DSCAM: variants seen among roughly 807,000 people sequenced by gnomAD.
The protein encoded by DSCAM is DS cell adhesion molecule.
DSCAM carries 47 observed loss-of-function variants against 217.7 expected under a neutral mutation model. The observed-to-expected ratio is 0.22, with a 90% CI of 0.17 to 0.28. The LOEUF (loss-of-function observed/expected upper bound fraction) is 0.28. Among genes scored for constraint, DSCAM ranks in the 10% least tolerant of loss-of-function variants. The probability of loss-of-function intolerance (pLI) is 1.00; values close to 1 mark genes in which losing one functional copy is unlikely to be tolerated. For missense variants in DSCAM, 2,080 were observed against 2,618.3 expected (o/e 0.79, Z 4.49); for synonymous variants, 1,056 against 1,015.3 (o/e 1.04, Z -0.76).
chr21:40,295,509 G>A (rs1441291012), intron 10 of DSCAM, among the ~76,000 whole-genome samples: 14 of 152,110 alleles, frequency 9.2e-5, no homozygotes, highest in Non-Finnish European at 2.1e-4. Flanking sequence ...GGGAACATGA[G>A]ACAATCGCAA....
intron 10 of DSCAM, among the ~76,000 whole-genome samples, chr21:40,294,941 CCAAT>C (rs1378946060): frequency 1.3e-5 from 2 of 152,070 alleles, no homozygotes; most frequent in African/African-American, 4.8e-5. Context: ...AGCTATTTTC[CCAAT>C]CAGACAGTGT....
intron 3 of DSCAM, among the ~76,000 whole-genome samples, chr21:40,675,470 G>A (rs1009786372): frequency 9.9e-5 from 15 of 152,056 alleles, no homozygotes; most frequent in East Asian, 1.9e-4. Flanking sequence ...GAATCCCCAC[G>A]CCAATAACTT....
chr21:40,154,406 C>T (rs1347050202), intron 16 of DSCAM, among the ~76,000 whole-genome samples: 3 of 152,070 alleles, frequency 2.0e-5, no homozygotes, highest in East Asian at 1.9e-4. Context: ...GACATGTCAC[C>T]ATACCCGGCA....
chr21:40,833,470 G>A (rs558987810), intron 1 of DSCAM, among the ~76,000 whole-genome samples: 7 of 152,240 alleles, frequency 4.6e-5, no homozygotes, highest in East Asian at 1.9e-4. Flanking sequence ...CATTCAGAGC[G>A]GTTAGCACAC....
At chr21:40,823,530 C>T (rs2091946199) in intron 1 of DSCAM, among the ~76,000 whole-genome samples, 1 of 151,920 alleles carries the variant, frequency 6.6e-6, no homozygotes, top group Non-Finnish European at 1.5e-5. Flanking sequence ...TACTACATAA[C>T]AAAAAATATA....
At chr21:40,485,241 T>TC (rs2076015792) in intron 3 of DSCAM, among the ~76,000 whole-genome samples, 1 of 110,992 alleles carries the variant, frequency 9.0e-6, no homozygotes, top group African/African-American at 4.8e-5. Context: ...TTCTTTCTTT[T>TC]TTTTTTTTTT....
At chr21:40,325,709 A>T (rs1467099205) in intron 8 of DSCAM, among the ~76,000 whole-genome samples, 1 of 152,240 alleles carries the variant, frequency 6.6e-6, no homozygotes, top group Admixed American at 6.5e-5. Context: ...TGAAAAGAAA[A>T]CAAATTAAAA....
intron 21 of DSCAM, among the ~76,000 whole-genome samples, chr21:40,089,147 A>AC (rs1248330865): frequency 6.6e-6 from 1 of 152,026 alleles, no homozygotes; most frequent in Non-Finnish European, 1.5e-5. Flanking sequence ...AAGCCCAACA[A>AC]CCCCCATGCT....
At chr21:40,431,721 G>A (rs2075534263) in intron 3 of DSCAM, among the ~76,000 whole-genome samples, 1 of 152,228 alleles carries the variant, frequency 6.6e-6, no homozygotes, top group Admixed American at 6.5e-5. Flanking sequence ...CTTCCAGTCA[G>A]CAGTAGGCTA....
rs540173805 is a variant in DSCAM at position 40,480,899 on chromosome 21, A to G, written c.509-111654T>C. 3.9e-5 allele frequency among the ~76,000 whole-genome samples: 6 copies of G among 152,288 alleles called. No individual in the cohort carries two copies. The South Asian group carries it at 1.2e-3, about 32-fold the overall frequency. ...ATGCAATCAGAAAACATTTTAGTCA[A>G]CCTACCAAAATTACTGATTTGGGAA... On this transcript the variant is annotated intron_variant, in intron 3 of 32. Transcript: ENST00000400454.
chr21:40,408,582 CG>C (rs2075297845), intron 3 of DSCAM, among the ~76,000 whole-genome samples: 1 of 152,108 alleles, frequency 6.6e-6, no homozygotes, highest in Admixed American at 6.6e-5. Context: ...ATTCATCAGT[CG>C]TAAGTTGGCA....
intron 30 of DSCAM, among the ~76,000 whole-genome samples, chr21:40,044,559 T>C (rs1365016219): frequency 6.6e-6 from 1 of 152,186 alleles, no homozygotes; most frequent in Non-Finnish European, 1.5e-5. Flanking sequence ...AATAATGTTA[T>C]GACCCTTCTA....
chr21:40,125,146 T>C (rs1233179484), intron 19 of DSCAM, among the ~76,000 whole-genome samples: 1 of 152,088 alleles, frequency 6.6e-6, no homozygotes, highest in Non-Finnish European at 1.5e-5. Flanking sequence ...GATTATTGGG[T>C]CAAAGATTCA....
intron 3 of DSCAM, among the ~76,000 whole-genome samples, chr21:40,487,103 C>A (rs2076034653): frequency 6.6e-6 from 1 of 152,094 alleles, no homozygotes; most frequent in Non-Finnish European, 1.5e-5. Context: ...GTCTTTAGCA[C>A]AAAGGTTTGA....
chr21:40,779,032 G>GA (rs772208075), intron 1 of DSCAM, among the ~76,000 whole-genome samples: 662 of 45,570 alleles, frequency 0.015, 30 homozygotes, highest in African/African-American at 0.024. Context: ...CTCAAAAACA[G>GA]AAAAAAAAAA....
chr21:40,782,029 G>A (rs1349012038), intron 1 of DSCAM, among the ~76,000 whole-genome samples: 3 of 148,204 alleles, frequency 2.0e-5, no homozygotes. Context: ...AAATTAGCCA[G>A]GCGCAATGGC....
intron 3 of DSCAM, among the ~76,000 whole-genome samples, chr21:40,673,499 T>C (rs1601839190): frequency 6.6e-6 from 1 of 152,198 alleles, no homozygotes; most frequent in East Asian, 1.9e-4. Context: ...TCTAGTGGCC[T>C]TACGTTGGAA....
intron 2 of DSCAM, among the ~76,000 whole-genome samples, chr21:40,708,077 T>C (rs1013821562): frequency 3.3e-5 from 5 of 152,050 alleles, no homozygotes; most frequent in African/African-American, 1.2e-4. Context: ...CATTTTTTTC[T>C]CTCTCTTTCT....
intron 11 of DSCAM, among the ~76,000 whole-genome samples, chr21:40,260,050 A>G (rs2146977066): frequency 6.6e-6 from 1 of 152,278 alleles, no homozygotes; most frequent in South Asian, 2.1e-4. Flanking sequence ...TTAACTAACA[A>G]TGCTTATCCT....
Sources: gnomAD v4.1 joint callset for allele counts (sites outside exome capture counted in the v4.1 genomes callset) on GRCh38, gnomAD v4.1.1 for gene constraint, MANE v1.5 for transcripts, NCBI Gene and HGNC (gene_info 2026-07-23, HGNC 2026-07-21) for gene names.